The following DYDC1 variants were observed in gnomAD, a reference collection of about 807,000 sequenced individuals.
DYDC1 encodes DPY30 domain-containing protein 1.
In DYDC1, 21 loss-of-function variants were observed where a neutral mutation model predicts 27.9. The observed-to-expected ratio is 0.75, with a 90% CI of 0.53 to 1.08. The LOEUF is 1.08. Among genes scored for constraint, DYDC1 ranks in the 50% least tolerant of loss-of-function variants. The pLI is 0.00. For missense variants in DYDC1, 202 were observed against 205.9 expected (o/e 0.98, Z 0.12); for synonymous variants, 67 against 65.8 (o/e 1.02, Z -0.09).
intron 4 of DYDC1, among the ~76,000 whole-genome samples, chr10:80,340,667 G>A (rs1195792113): frequency 6.6e-6 from 1 of 151,990 alleles, no homozygotes; most frequent in East Asian, 1.9e-4. Flanking sequence ...TTTCAGTTTA[G>A]ATCCGTGAAT....
intron 1 of DYDC1, chr10:80,356,253 C>T: frequency 1.0e-6 from 1 of 985,464 alleles, no homozygotes; most frequent in Non-Finnish European, 1.2e-6. Flanking sequence ...TTCACATACA[C>T]CAATAGGCAT....
intron 6 of DYDC1, among the ~76,000 whole-genome samples, chr10:80,337,912 G>A (rs1842186453): frequency 6.6e-6 from 1 of 152,254 alleles, no homozygotes; most frequent in Non-Finnish European, 1.5e-5. Flanking sequence ...TACTGGTTTG[G>A]ACAATAAATT....
chr10:80,349,238 G>A (rs1244940675), intron 3 of DYDC1, among the ~76,000 whole-genome samples: 1 of 152,130 alleles, frequency 6.6e-6, no homozygotes, highest in African/African-American at 2.4e-5. Flanking sequence ...CCACACTAAC[G>A]CTGAACTTCA....
chr10:80,355,175 T>C (rs765071006), intron 1 of DYDC1, among the ~76,000 whole-genome samples: 7 of 151,494 alleles, frequency 4.6e-5, no homozygotes, highest in Non-Finnish European at 8.8e-5. Flanking sequence ...GATATAGGAA[T>C]GAGCATGGCA....
At chr10:80,339,195 C>T in intron 4 of DYDC1, 42 bp from the exon 5 acceptor site, 1 of 874,980 alleles carries the variant, frequency 1.1e-6, no homozygotes, top group Non-Finnish European at 1.6e-6. Context: ...GAATATACTC[C>T]ATTTTGATTT....
At chr10:80,341,461 AAAAG>A (rs957986202) in intron 4 of DYDC1, among the ~76,000 whole-genome samples, 4 of 150,786 alleles carry the variant, frequency 2.7e-5, no homozygotes, top group Non-Finnish European at 4.4e-5. Flanking sequence ...AAAAAAAAAA[AAAAG>A]AAAGAAAGAA....
At chr10:80,341,448 AAAAAAAAAAAAAAAAAG>A (rs890109054) in intron 4 of DYDC1, among the ~76,000 whole-genome samples, 3 of 150,356 alleles carry the variant, frequency 2.0e-5, no homozygotes, top group African/African-American at 7.3e-5. Flanking sequence ...GTCTCAAAAA[AAAAAAAAAAAAAAAAAG>A]AAAGAAAGAA....
intron 1 of DYDC1, among the ~76,000 whole-genome samples, chr10:80,353,985 G>A (rs1275543463): frequency 1.3e-5 from 2 of 150,726 alleles, no homozygotes; most frequent in East Asian, 2.0e-4. Context: ...GCGTGGTGGC[G>A]GGCGCCTGTA....
Position 80,351,986 on chromosome 10 carries a change from G to C in DYDC1, c.164C>G (p.Ala55Gly). 2.5e-6 allele frequency: 4 copies of C among 1,614,012 alleles called. No individual in the cohort carries two copies. The highest frequency in any genetic ancestry group is 3.4e-6 in the Non-Finnish European group (4 of 1,180,010). ...TAATTCTCTTTCACGCTCCAGCTTG[G>C]CCATTTCCTTTTGTCTCTAGCATTG... The part of the protein sequence containing the change: ...TMEQLRQKEM[A>G]KLERERELAL... Residue 55 changes from alanine (A) to glycine (G), a missense_variant, in exon 3 of 7, where the codon GCC (alanine) becomes GGC (glycine). Physicochemically the swap from Ala to Gly is moderately conservative, Grantham distance 60. Coordinates refer to ENST00000372202, the MANE Select transcript of DYDC1 (RefSeq NM_001269053.2).
At chr10:80,350,451 G>C (rs1169036983) in intron 3 of DYDC1, among the ~76,000 whole-genome samples, 1 of 152,188 alleles carries the variant, frequency 6.6e-6, no homozygotes, top group Non-Finnish European at 1.5e-5. Flanking sequence ...CACAGTTGTG[G>C]CTGCTGCAGG....
At chr10:80,353,311 T>C (rs767270021) in intron 1 of DYDC1, among the ~76,000 whole-genome samples, 27 of 151,782 alleles carry the variant, frequency 1.8e-4, no homozygotes, top group Non-Finnish European at 2.8e-4. Context: ...TCTAATTCCA[T>C]GGACATGTCT....
At chr10:80,336,024 C>T (rs1842123388), downstream of DYDC1, 5 of 631,704 alleles carry the variant, frequency 7.9e-6, no homozygotes, top group South Asian at 3.8e-5. Context: ...CTCTTGAAGC[C>T]CATTCATAAG....
intron 1 of DYDC1, among the ~76,000 whole-genome samples, chr10:80,355,399 G>T (rs1373639407): frequency 6.6e-6 from 1 of 152,016 alleles, no homozygotes; most frequent in Non-Finnish European, 1.5e-5. Context: ...GGGCAAAATG[G>T]TATAACTCCT....
intron 3 of DYDC1, chr10:80,344,944 C>T (rs1318643788): frequency 6.5e-6 from 1 of 153,942 alleles, no homozygotes; most frequent in African/African-American, 2.4e-5. Flanking sequence ...TGTAGAAACA[C>T]TGATTCAATA....
Position 80,342,327 on chromosome 10 carries a change from TG to T in DYDC1, c.283del (p.Gln95LysfsTer18), listed in dbSNP as rs1344426524. ...QLALQLELEM[Q>X]EKERQRIQEL... ...TTGTATTCTCTGCCTCTCCTTTTCT[TG>T]CATTTCCAACTCTAGCTGCAATGCC... is the stretch of plus-strand genomic sequence containing the variant. On this transcript the variant is annotated frameshift_variant, in exon 4 of 7. Coordinates refer to ENST00000372202, the MANE Select transcript of DYDC1 (RefSeq NM_001269053.2). LOFTEE classifies it high-confidence loss of function. 1 of 1,613,796 alleles carries T rather than the reference TG, an allele frequency of 6.2e-7. No individual in the cohort carries two copies. The highest frequency in any genetic ancestry group is 8.5e-7 in the Non-Finnish European group (1 of 1,180,002).
At chr10:80,343,592 C>T (rs771620311) in intron 3 of DYDC1, among the ~76,000 whole-genome samples, 21 of 150,040 alleles carry the variant, frequency 1.4e-4, no homozygotes, top group Non-Finnish European at 2.8e-4. Flanking sequence ...GGCAGCATAG[C>T]GAGACCCCCA....
intron 3 of DYDC1, among the ~76,000 whole-genome samples, chr10:80,343,476 A>G (rs1842426113): frequency 6.6e-6 from 1 of 152,124 alleles, no homozygotes; most frequent in South Asian, 2.1e-4. Flanking sequence ...TATATCCATT[A>G]TGTCAAAACA....
chr10:80,343,860 A>C (rs968972261), intron 3 of DYDC1, among the ~76,000 whole-genome samples: 5 of 152,092 alleles, frequency 3.3e-5, no homozygotes, highest in Non-Finnish European at 7.4e-5. Context: ...TTGGCTGGGC[A>C]TGGTGGCTCA....
At position 80,337,261 on chromosome 10, in the gene DYDC1, C is replaced by G. The variant is rs1228154751; in HGVS notation, c.505-1076G>C. 4 of 985,282 alleles carry G rather than the reference C, an allele frequency of 4.1e-6. No individual in the cohort carries two copies. In the Admixed American group the frequency reaches 2.5e-4, roughly 61 times the overall value. 61.0% of individuals were successfully genotyped at this position (985,282 alleles called of 1,614,324 possible). A position where few individuals can be genotyped will look rare whatever the true frequency, so the allele number is the denominator to read the frequency against. On this transcript the variant is annotated intron_variant, in intron 6 of 6. Transcript: ENST00000372202. ...AAGAAGCTTCCCCATTGGCCCACGG[C>G]CCCCAAGGGCAGAAGCCCAATCCAT...
Sources: gnomAD v4.1 joint callset for allele counts (sites outside exome capture counted in the v4.1 genomes callset) on GRCh38, gnomAD v4.1.1 for gene constraint, MANE v1.5 for transcripts, NCBI Gene and HGNC (gene_info 2026-07-23, HGNC 2026-07-21) for gene names.